Variants in ARHGEF7 observed in about 807,000 individuals in gnomAD.
ARHGEF7 encodes PAK-interacting exchange factor beta.
A neutral mutation model predicts 109.8 loss-of-function variants in ARHGEF7; 33 were observed. The ratio of observed to expected loss-of-function variants is 0.30; its 90% CI spans 0.23 to 0.40. The LOEUF (loss-of-function observed/expected upper bound fraction) is 0.40. ARHGEF7 is among the 10% of genes least tolerant of loss of function. The pLI, the probability that ARHGEF7 is intolerant of heterozygous loss-of-function variation, is 1.00. For synonymous variants in ARHGEF7, 458 were observed against 424.6 expected, an observed-to-expected ratio of 1.08 and a Z score of -0.97; for missense variants, 938 against 1,098.5, an observed-to-expected ratio of 0.85 and a Z score of 2.07.
At chr13:111,114,984 C>A (rs1395944692), upstream of ARHGEF7, 2 of 152,058 alleles carry the variant, frequency 1.3e-5, no homozygotes, top group East Asian at 3.9e-4. Flanking sequence ...TCAACGCTCA[C>A]GAATTCAAAA....
chr13:111,224,490 T>C (rs962364079), intron 5 of ARHGEF7, among the ~76,000 whole-genome samples: 25 of 152,360 alleles, frequency 1.6e-4, no homozygotes, highest in African/African-American at 4.6e-4. Context: ...CTCCTATTTC[T>C]GGACAGCTTA....
chr13:111,293,438 A>T lies in ARHGEF7; in HGVS notation c.2311+1144A>T, dbSNP rs975829593. ...GGTTGCCATGTGGCTCACTTATTTA[A>T]AAAAAAAAAAAAAAAACTCACCCGT... On this transcript the variant is annotated intron_variant, in intron 19 of 21. Transcript: ENST00000646102. 70 of 40,918 alleles carry T rather than the reference A, an allele frequency of 1.7e-3. No individual in the cohort carries two copies. The East Asian group carries it at 0.057, about 33-fold the overall frequency. The allele number at this position is 40,918 out of a possible 1,614,324, so 2.5% of individuals were successfully genotyped here. A position where few individuals can be genotyped will look rare whatever the true frequency, so the allele number is the denominator to read the frequency against.
At chr13:111,198,397 C>T (rs564357562) in intron 2 of ARHGEF7, among the ~76,000 whole-genome samples, 26 of 152,308 alleles carry the variant, frequency 1.7e-4, no homozygotes, top group South Asian at 4.1e-4. Context: ...AAGCCGTGGA[C>T]ACTCGCGGTG....
intron 1 of ARHGEF7, among the ~76,000 whole-genome samples, chr13:111,136,078 G>A (rs184070823): frequency 0.02 from 3,110 of 152,260 alleles, 49 homozygotes; most frequent in Middle Eastern, 0.048. Context: ...CTTTGGTTCT[G>A]TTTATATGCT....
At chr13:111,209,832 C>A (rs376311283) in intron 3 of ARHGEF7, 40 bp from the exon 4 acceptor site, 2 of 1,602,560 alleles carry the variant, frequency 1.2e-6, no homozygotes, top group Non-Finnish European at 1.7e-6. Context: ...TGGTATCAGG[C>A]GCTCTCAGCT....
chr13:111,256,770 C>A (rs934610862), intron 8 of ARHGEF7, among the ~76,000 whole-genome samples: 2 of 152,182 alleles, frequency 1.3e-5, no homozygotes, highest in African/African-American at 4.8e-5. Context: ...CTGTCCTGAA[C>A]GCTGTAGTTC....
In ARHGEF7 at chr13:111,186,934, G is replaced by A. The variant is rs73634352; in HGVS notation, c.253-18355G>A. ...GTCTGGTCTTTTTGGGGTCTACTAC[G>A]TAGAGGTGCATCAGCCAGCGCTACC... is the stretch of plus-strand genomic sequence containing the variant. On this transcript the variant is annotated intron_variant, in intron 2 of 21. Coordinates refer to ENST00000646102, the MANE Select transcript of ARHGEF7 (RefSeq NM_001354046.2). The A allele has an allele frequency of 4.3e-3, 4,282 of 985,594 alleles. 137 individuals carry two copies. In the African/African-American group the frequency reaches 0.069, roughly 16 times the overall value. 61.1% of individuals were successfully genotyped at this position (985,594 alleles called of 1,614,324 possible).
intron 1 of ARHGEF7, among the ~76,000 whole-genome samples, chr13:111,128,978 C>G (rs1337294246): frequency 6.6e-6 from 1 of 152,082 alleles, no homozygotes; most frequent in African/African-American, 2.4e-5. Context: ...CATAAAACAA[C>G]AGTAATGGAG....
At chr13:111,195,353 T>G (rs2080370615) in intron 2 of ARHGEF7, among the ~76,000 whole-genome samples, 2 of 152,224 alleles carry the variant, frequency 1.3e-5, no homozygotes, top group South Asian at 4.1e-4. Context: ...GGTGTGGGAC[T>G]TTCAGGCATA....
intron 5 of ARHGEF7, among the ~76,000 whole-genome samples, chr13:111,229,707 T>C (rs1201844976): frequency 6.6e-6 from 1 of 152,206 alleles, no homozygotes; most frequent in African/African-American, 2.4e-5. Flanking sequence ...CCCTGGGTTG[T>C]AGAAATATTT....
At chr13:111,158,711 C>T (rs1252840256) in intron 2 of ARHGEF7, among the ~76,000 whole-genome samples, 2 of 152,132 alleles carry the variant, frequency 1.3e-5, no homozygotes, top group Non-Finnish European at 2.9e-5. Flanking sequence ...TATCCAGTTT[C>T]TTTTCTTTAA....
chr13:111,242,714 C>T (rs151264056), intron 6 of ARHGEF7, among the ~76,000 whole-genome samples: 91 of 152,330 alleles, frequency 6.0e-4, no homozygotes, highest in African/African-American at 2.1e-3. Flanking sequence ...CAGTGTGGTG[C>T]GGTGCAGTGG....
chr13:111,125,078 T>C (rs1462764883), intron 1 of ARHGEF7, among the ~76,000 whole-genome samples: 3 of 152,176 alleles, frequency 2.0e-5, no homozygotes, highest in African/African-American at 4.8e-5. Flanking sequence ...TCTAGTTTTA[T>C]TGAAGATGAT....
intron 6 of ARHGEF7, 89 bp from the exon 7 acceptor site, chr13:111,243,783 C>A: frequency 1.3e-6 from 1 of 782,302 alleles, no homozygotes; most frequent in Non-Finnish European, 2.1e-6. Flanking sequence ...GTGAATTGAA[C>A]AATGGCGATG....
At chr13:111,284,887 G>A (rs954244349) in intron 16 of ARHGEF7, among the ~76,000 whole-genome samples, 2 of 152,332 alleles carry the variant, frequency 1.3e-5, no homozygotes, top group South Asian at 2.1e-4. Context: ...CGTGAGGGGC[G>A]GGCGTTGGCT....
At position 111,266,550 on chromosome 13, in the gene ARHGEF7, T is replaced by C. The variant is rs1461908883; in HGVS notation, c.951-998T>C. ...TTCTCCTTTGCTCCTTCATTCCCCT[T>C]TTTTTAGGCAAATGTATTTGTCCTT... On this transcript the variant is annotated intron_variant, in intron 8 of 21. Transcript: ENST00000646102. This position sits in a 1 kb window ranked among gnomAD's most constrained non-coding sequence, Gnocchi z 4.8. Among the ~76,000 whole-genome samples, 1 of 152,112 alleles carries C rather than the reference T, an allele frequency of 6.6e-6. No homozygotes were observed. The highest frequency in any genetic ancestry group is 1.5e-5 in the Non-Finnish European group (1 of 68,040).
intron 18 of ARHGEF7, among the ~76,000 whole-genome samples, chr13:111,290,755 T>G (rs1464969016): frequency 6.6e-6 from 1 of 152,246 alleles, no homozygotes; most frequent in Non-Finnish European, 1.5e-5. Flanking sequence ...TTAATTCATA[T>G]TATGGGCAAA....
intron 1 of ARHGEF7, among the ~76,000 whole-genome samples, chr13:111,127,965 C>A (rs1385189822): frequency 6.6e-6 from 1 of 152,190 alleles, no homozygotes; most frequent in African/African-American, 2.4e-5. Flanking sequence ...AGAGGATTAT[C>A]TCAATGGATG....
chr13:111,204,966 G>GC (rs148086459), intron 2 of ARHGEF7, among the ~76,000 whole-genome samples: 19,795 of 152,220 alleles, frequency 0.13, 1,383 homozygotes, highest in South Asian at 0.22. Context: ...CGCAAGCACC[G>GC]TGCTTGCTTG....
Sources: gnomAD v4.1 joint callset for allele counts (sites outside exome capture counted in the v4.1 genomes callset) on GRCh38, gnomAD v4.1.1 for gene constraint, Gnocchi (gnomAD v3.1) non-coding constraint, MANE v1.5 for transcripts, NCBI Gene and HGNC (gene_info 2026-07-23, HGNC 2026-07-21) for gene names.